The following PIAS2 variants were observed in gnomAD, a reference collection of about 807,000 sequenced individuals.
The protein encoded by PIAS2 is E3 SUMO-protein ligase PIAS2.
PIAS2 carries 19 observed loss-of-function variants against 69.7 expected under a neutral mutation model. The observed-to-expected ratio is 0.27, with a 90% CI of 0.19 to 0.40. PIAS2 has a LOEUF of 0.40. Ranked by LOEUF, PIAS2 falls within the 10% of genes least tolerant of loss-of-function variation. PIAS2 has a pLI of 1.00. For synonymous variants in PIAS2, 261 were observed against 263.2 expected (o/e 0.99, Z 0.08); for missense variants, 624 against 757.0 (o/e 0.82, Z 2.06).
chr18:46,920,114 GT>G, upstream of PIAS2: 1 of 1,288,650 alleles, frequency 7.8e-7, no homozygotes, highest in South Asian at 1.2e-5. Context: ...TCCTCAATGT[GT>G]AGCAGCTCCT....
At position 46,821,004 on chromosome 18, in the gene PIAS2, G is replaced by A. The variant is rs1451707405; in HGVS notation, c.1577C>T (p.Pro526Leu). 3.1e-6 allele frequency: 5 copies of A among 1,613,146 alleles called. No individual in the cohort carries two copies. Among genetic ancestry groups the A allele is most frequent in the African/African-American group, 1.3e-5 (1 of 74,876 alleles). Residue 526 changes from proline (P) to leucine (L), a missense_variant, in exon 12 of 14, where the codon CCG (proline) becomes CTG (leucine). Pro to Leu is a moderately conservative substitution (Grantham distance 98, BLOSUM62 -3). Coordinates refer to ENST00000585916, the MANE Select transcript of PIAS2 (RefSeq NM_004671.5). ...TACTGAGTAGTCTGTTAATGAAGGC[G>A]GAATAGCAGCAGGATCAACCGAAGT... is the stretch of plus-strand genomic sequence containing the variant. Reference protein sequence around the residue: ...SVTSVDPAAIPPSLTDYSVPF... With the variant: ...SVTSVDPAAILPSLTDYSVPF...
intron 9 of PIAS2, among the ~76,000 whole-genome samples, chr18:46,834,340 A>G (rs2044120178): frequency 6.6e-6 from 1 of 152,238 alleles, no homozygotes; most frequent in South Asian, 2.1e-4. Context: ...AATAAAAGGG[A>G]AACTGGGAAA....
At chr18:46,872,573 C>T (rs1336646416) in intron 2 of PIAS2, among the ~76,000 whole-genome samples, 2 of 152,264 alleles carry the variant, frequency 1.3e-5, no homozygotes, top group Admixed American at 6.5e-5. Flanking sequence ...CTCCACACAC[C>T]TTCTTAACCA....
intron 2 of PIAS2, among the ~76,000 whole-genome samples, chr18:46,871,463 A>G (rs1458047221): frequency 1.3e-5 from 2 of 152,318 alleles, no homozygotes; most frequent in East Asian, 3.9e-4. Flanking sequence ...AGGACAAAAT[A>G]CATGCTTCAA....
chr18:46,907,345 G>A (rs1273624086), intron 1 of PIAS2, among the ~76,000 whole-genome samples: 1 of 152,172 alleles, frequency 6.6e-6, no homozygotes. Flanking sequence ...TTACTTATTA[G>A]GGAGATGCAA....
In PIAS2 at chr18:46,806,357, T is replaced by G. The variant is rs1458921464; in HGVS notation, c.*6076A>C. On this transcript the variant is annotated 3_prime_UTR_variant, in exon 14 of 14. Coordinates refer to ENST00000585916, the MANE Select transcript of PIAS2 (RefSeq NM_004671.5). ...TTCTTTGCACAATGCCTGTTACTTTTTTTTTTTTTTTTTTTTTTTTTTTTT... is the reference window on the plus strand; with the variant it reads ...TTCTTTGCACAATGCCTGTTACTTTGTTTTTTTTTTTTTTTTTTTTTTTTT... 482 of 92,146 alleles carry G rather than the reference T, an allele frequency of 5.2e-3. 19 individuals are homozygous for G. Among genetic ancestry groups the G allele is most frequent in the African/African-American group, 0.019 (391 of 20,762 alleles). The allele number at this position is 92,146 out of a possible 1,614,324, so 5.7% of individuals were successfully genotyped here. A position where few individuals can be genotyped will look rare whatever the true frequency, so the allele number is the denominator to read the frequency against.
At chr18:46,885,641 G>A (rs1192145884) in intron 2 of PIAS2, among the ~76,000 whole-genome samples, 5 of 151,488 alleles carry the variant, frequency 3.3e-5, no homozygotes, top group East Asian at 3.9e-4. Context: ...TGTTTTTCGC[G>A]CCACTGCACT....
chr18:46,916,851 CA>C, intron 1 of PIAS2: 1 of 985,462 alleles, frequency 1.0e-6, no homozygotes, highest in Admixed American at 6.1e-5. Context: ...TAGCATCAGC[CA>C]TAAGAAGAGG....
intron 5 of PIAS2, among the ~76,000 whole-genome samples, chr18:46,847,125 C>T (rs1011179840): frequency 6.6e-6 from 1 of 152,162 alleles, no homozygotes; most frequent in African/African-American, 2.4e-5. Flanking sequence ...GAATGGTTTT[C>T]CTTTTTCATA....
At chr18:46,867,703 T>C (rs2049703056) in intron 2 of PIAS2, among the ~76,000 whole-genome samples, 1 of 152,232 alleles carries the variant, frequency 6.6e-6, no homozygotes, top group Non-Finnish European at 1.5e-5. Context: ...TTTCCAAATA[T>C]AACCACATTA....
chr18:46,899,455 A>AG, intron 1 of PIAS2, among the ~76,000 whole-genome samples: 1 of 152,342 alleles, frequency 6.6e-6, no homozygotes, highest in South Asian at 2.1e-4. Context: ...GCCGAACCAG[A>AG]GTAATCTAGA....
At chr18:46,906,427 T>C (rs1383111600) in intron 1 of PIAS2, 1 of 150,850 alleles carries the variant, frequency 6.6e-6, no homozygotes, top group Non-Finnish European at 1.5e-5. Flanking sequence ...CATAGAAAAA[T>C]CCAAAAGAAA....
chr18:46,815,763 T>A (rs988592787), intron 12 of PIAS2: 5 of 1,001,174 alleles, frequency 5.0e-6, no homozygotes, highest in Admixed American at 1.1e-4. Flanking sequence ...GAGGTTCATC[T>A]AAGTATCGCT....
At chr18:46,816,374 C>A in intron 12 of PIAS2, 1 of 981,052 alleles carries the variant, frequency 1.0e-6, no homozygotes, top group Non-Finnish European at 1.2e-6. Flanking sequence ...AAGGGTATTA[C>A]AAAAATGCTT....
At chr18:46,863,505 C>G (rs146669175) in intron 3 of PIAS2, among the ~76,000 whole-genome samples, 8 of 151,896 alleles carry the variant, frequency 5.3e-5, no homozygotes, top group Non-Finnish European at 1.0e-4. Context: ...CACCATGTTG[C>G]CCAGGCTGGT....
At chr18:46,829,897 T>C in intron 9 of PIAS2, 30 bp from the exon 10 acceptor site, 1 of 1,590,322 alleles carries the variant, frequency 6.3e-7, no homozygotes, top group Non-Finnish European at 8.6e-7. Flanking sequence ...TACATACATG[T>C]GATCAACAGC....
Position 46,848,309 on chromosome 18 carries a change from C to T in PIAS2, c.727-1468G>A, listed in dbSNP as rs73437134. Among the ~76,000 whole-genome samples, 577 of 152,238 alleles carry T rather than the reference C, an allele frequency of 3.8e-3. 3 individuals carry two copies. Among genetic ancestry groups the T allele is most frequent in the African/African-American group, 0.013 (540 of 41,528 alleles). On this transcript the variant is annotated intron_variant, in intron 5 of 13. Transcript: ENST00000585916. The stretch of plus-strand genomic sequence containing the variant: ...CAATGAAAAGTTTTCAGACAACAGC[C>T]AGGATTCATGCTTCTTTCTCAAAAT...
chr18:46,917,579 G>C, upstream of PIAS2: 1 of 1,072,094 alleles, frequency 9.3e-7, no homozygotes, highest in African/African-American at 1.7e-5. Flanking sequence ...CCACCCGCGC[G>C]ACCGCCTTCC....
At chr18:46,865,507 T>C (rs540531934) in intron 2 of PIAS2, among the ~76,000 whole-genome samples, 9 of 133,868 alleles carry the variant, frequency 6.7e-5, no homozygotes, top group African/African-American at 2.3e-4. Context: ...ACCAGTGCAC[T>C]ACAGCGATAG....
Sources: gnomAD v4.1 joint callset for allele counts (sites outside exome capture counted in the v4.1 genomes callset) on GRCh38, gnomAD v4.1.1 for gene constraint, MANE v1.5 for transcripts, NCBI Gene and HGNC (gene_info 2026-07-23, HGNC 2026-07-21) for gene names.